Variants in ENTREP2 observed in about 807,000 individuals in gnomAD.
The protein encoded by ENTREP2 is endosomal transmembrane epsin interactor 2, also known as protein ENTREP2.
chr15:29,652,124 G>A, the ENTREP2 span, among the ~76,000 whole-genome samples: 3 of 152,170 alleles, frequency 2.0e-5, no homozygotes, highest in African/African-American at 7.2e-5. Flanking sequence ...GGGACAACCA[G>A]CTGCAGAGAG....
At chr15:29,425,552 T>C in the ENTREP2 span, among the ~76,000 whole-genome samples, 21,919 of 152,172 alleles carry the variant, frequency 0.14, 1,902 homozygotes, top group East Asian at 0.31. Context: ...AATCTAAAAG[T>C]GCTGTCTTTT....
the ENTREP2 span, among the ~76,000 whole-genome samples, chr15:29,371,682 AATAAC>A: frequency 1.3e-5 from 2 of 152,194 alleles, no homozygotes; most frequent in Non-Finnish European, 2.9e-5. Flanking sequence ...GTTCTTAGAA[AATAAC>A]ATAACTGTCT....
At chr15:29,495,493 G>T in the ENTREP2 span, among the ~76,000 whole-genome samples, 1 of 152,066 alleles carries the variant, frequency 6.6e-6, no homozygotes, top group Non-Finnish European at 1.5e-5. Flanking sequence ...AGCTTTCTAT[G>T]TTTTCTTCTA....
At chr15:29,671,232 T>C in the ENTREP2 span, among the ~76,000 whole-genome samples, 3 of 152,222 alleles carry the variant, frequency 2.0e-5, no homozygotes, top group Non-Finnish European at 4.4e-5. Flanking sequence ...TCCGGACCCT[T>C]CCAGACCTAG....
the ENTREP2 span, among the ~76,000 whole-genome samples, chr15:29,489,802 T>C: frequency 6.6e-6 from 1 of 152,104 alleles, no homozygotes; most frequent in African/African-American, 2.4e-5. Flanking sequence ...CTGGGTACCA[T>C]CGCTCAGCTA....
the ENTREP2 span, among the ~76,000 whole-genome samples, chr15:29,145,657 C>A: frequency 2.3e-4 from 30 of 129,762 alleles, no homozygotes; most frequent in Admixed American, 8.4e-4. Context: ...AACCAACAAA[C>A]TAGGAATAGA....
chr15:29,439,437 G>T, the ENTREP2 span, among the ~76,000 whole-genome samples: 1 of 151,812 alleles, frequency 6.6e-6, no homozygotes, highest in African/African-American at 2.4e-5. Context: ...CAACCTAAAG[G>T]CCAAAATAAA....
chr15:29,348,344 A>G, the ENTREP2 span, among the ~76,000 whole-genome samples: 3 of 152,092 alleles, frequency 2.0e-5, no homozygotes, highest in Non-Finnish European at 4.4e-5. Context: ...TAGGACAGGG[A>G]GCAGCAATGT....
the ENTREP2 span, among the ~76,000 whole-genome samples, chr15:29,584,838 T>C: frequency 6.6e-6 from 1 of 152,218 alleles, no homozygotes; most frequent in Non-Finnish European, 1.5e-5. Context: ...ATGGTAATTA[T>C]GTGAGATGAT....
chr15:29,647,711 T>C, the ENTREP2 span, among the ~76,000 whole-genome samples: 1 of 152,140 alleles, frequency 6.6e-6, no homozygotes, highest in Non-Finnish European at 1.5e-5. Flanking sequence ...AAGGGTACAA[T>C]TTCATTCAAT....
the ENTREP2 span, among the ~76,000 whole-genome samples, chr15:29,425,131 C>T: frequency 1.3e-5 from 2 of 152,214 alleles, no homozygotes; most frequent in South Asian, 2.1e-4. Context: ...AGGGTTCACG[C>T]CATTCTCCTG....
chr15:29,511,266 T>G, the ENTREP2 span, among the ~76,000 whole-genome samples: 1 of 152,158 alleles, frequency 6.6e-6, no homozygotes, highest in Non-Finnish European at 1.5e-5. Context: ...GAGGGCTCAT[T>G]TTTACATAAG....
At chr15:29,263,316 T>C in the ENTREP2 span, among the ~76,000 whole-genome samples, 29 of 152,236 alleles carry the variant, frequency 1.9e-4, no homozygotes, top group Admixed American at 6.5e-5. Context: ...CCAATGCATT[T>C]ATAAGACCAA....
the ENTREP2 span, among the ~76,000 whole-genome samples, chr15:29,159,822 A>G: frequency 6.5e-3 from 988 of 152,350 alleles, 10 homozygotes; most frequent in African/African-American, 0.022. Context: ...TTAGCTAGAC[A>G]TAAAGGTTCT....
At chr15:29,591,309 G>A in the ENTREP2 span, among the ~76,000 whole-genome samples, 2 of 152,142 alleles carry the variant, frequency 1.3e-5, no homozygotes, top group African/African-American at 4.8e-5. Context: ...TTCATGCCCT[G>A]GAAGGGGCAG....
the ENTREP2 span, among the ~76,000 whole-genome samples, chr15:29,523,449 T>C: frequency 2.6e-5 from 4 of 151,950 alleles, no homozygotes; most frequent in African/African-American, 9.7e-5. Context: ...TGAAGAAAGC[T>C]TAAAGAAAAG....
the ENTREP2 span, among the ~76,000 whole-genome samples, chr15:29,208,144 T>C: frequency 1.4e-5 from 2 of 147,854 alleles, no homozygotes; most frequent in African/African-American, 2.5e-5. Context: ...CTCTTTTGCT[T>C]TCACCCTCCC....
chr15:29,167,078 CTT>C, the ENTREP2 span, among the ~76,000 whole-genome samples: 3 of 152,134 alleles, frequency 2.0e-5, no homozygotes, highest in African/African-American at 7.2e-5. Flanking sequence ...AAAGGACACT[CTT>C]TTCAACAAAT....
At chr15:29,219,317 ATAG>A in the ENTREP2 span, among the ~76,000 whole-genome samples, 6 of 152,108 alleles carry the variant, frequency 3.9e-5, no homozygotes, top group African/African-American at 1.4e-4. Context: ...AAATCAAAAA[ATAG>A]TAGATGTTGC....
Sources: allele counts gnomAD v4.1 joint callset (sites outside exome capture counted in the v4.1 genomes callset), GRCh38; gene constraint gnomAD v4.1.1; transcripts MANE v1.5; gene names NCBI Gene and HGNC (gene_info 2026-07-23, HGNC 2026-07-21).